SEZ6L: variants seen among roughly 807,000 people sequenced by gnomAD.
SEZ6L encodes seizure 6-like protein.
In SEZ6L, 37 loss-of-function variants were observed where a neutral mutation model predicts 106.2. The observed-to-expected ratio is 0.35, with a 90% CI of 0.27 to 0.46. The LOEUF is 0.46. Ranked by LOEUF, SEZ6L falls within the 20% of genes least tolerant of loss-of-function variation. The pLI, the probability that SEZ6L is intolerant of heterozygous loss-of-function variation, is 1.00. For missense variants in SEZ6L, 1,172 were observed against 1,332.8 expected (o/e 0.88, Z 1.88); for synonymous variants, 541 against 570.4 (o/e 0.95, Z 0.73).
At chr22:26,295,500 CT>C (rs1404006690) in intron 3 of SEZ6L, among the ~76,000 whole-genome samples, 1 of 152,138 alleles carries the variant, frequency 6.6e-6, no homozygotes, top group African/African-American at 2.4e-5. Context: ...GCAGTAGAAC[CT>C]GTAGTCTTTG....
At chr22:26,338,718 C>G (rs1358070796) in intron 9 of SEZ6L, among the ~76,000 whole-genome samples, 5 of 152,126 alleles carry the variant, frequency 3.3e-5, no homozygotes, top group Non-Finnish European at 7.4e-5. Context: ...TGCCACCACG[C>G]CCAGCTAATT....
rs76296018 is a variant in SEZ6L at position 26,343,853 on chromosome 22, G to A, written c.2212+3221G>A. On this transcript the variant is annotated intron_variant, in intron 10 of 16. Transcript: ENST00000248933. ...ATTTCACAAGAATGGCAAATAGACC[G>A]TTCTAGCTAATTGCGATACCACTCA... 3.1e-3 allele frequency among the ~76,000 whole-genome samples: 478 copies of A among 152,310 alleles called. 4 individuals are homozygous for A. The highest frequency in any genetic ancestry group is 0.01 in the African/African-American group (436 of 41,558).
chr22:26,312,362 TG>T (rs1392623724), intron 8 of SEZ6L, among the ~76,000 whole-genome samples: 2 of 152,240 alleles, frequency 1.3e-5, no homozygotes, highest in Non-Finnish European at 2.9e-5. Context: ...GCTAAGAGTG[TG>T]TGTGCATTAT....
intron 1 of SEZ6L, among the ~76,000 whole-genome samples, chr22:26,267,874 A>T (rs746951454): frequency 4.6e-5 from 7 of 152,210 alleles, no homozygotes; most frequent in Non-Finnish European, 2.9e-5. Context: ...GCTGAATTCA[A>T]GACCCTCCCA....
chr22:26,227,443 T>C lies in SEZ6L; in HGVS notation c.94+57680T>C, dbSNP rs182166791. ...TATTTTTAGAGTTGAGGTCTCATTC[T>C]GTTGCCCAGGCTGGAGGGCAGTGGT... On this transcript the variant is annotated intron_variant, in intron 1 of 16. Transcript: ENST00000248933. Among the ~76,000 whole-genome samples, 204 of 152,348 alleles carry C rather than the reference T, an allele frequency of 1.3e-3. 1 individual carries two copies. The highest frequency in any genetic ancestry group is 2.5e-3 in the Non-Finnish European group (167 of 68,040).
intron 9 of SEZ6L, among the ~76,000 whole-genome samples, chr22:26,330,845 A>G (rs1432488246): frequency 6.6e-6 from 1 of 152,256 alleles, no homozygotes; most frequent in Non-Finnish European, 1.5e-5. Flanking sequence ...TGCAAACCAT[A>G]TATTTATATA....
chr22:26,262,543 A>C (rs142973710), intron 1 of SEZ6L, among the ~76,000 whole-genome samples: 1 of 152,338 alleles, frequency 6.6e-6, no homozygotes, highest in Non-Finnish European at 1.5e-5. Flanking sequence ...TTATAAACGC[A>C]AATACCATTC....
intron 8 of SEZ6L, 22 bp downstream of exon 8, chr22:26,311,984 T>C: frequency 6.2e-7 from 1 of 1,604,804 alleles, no homozygotes; most frequent in Non-Finnish European, 8.5e-7. Context: ...CACAACGCTC[T>C]TCCCACGGCA....
At chr22:26,250,363 C>T (rs1472110689) in intron 1 of SEZ6L, among the ~76,000 whole-genome samples, 2 of 151,966 alleles carry the variant, frequency 1.3e-5, no homozygotes, top group Non-Finnish European at 2.9e-5. Flanking sequence ...TAGGGGTCTA[C>T]TTTCATTCTT....
At chr22:26,209,384 T>C (rs1186275932) in intron 1 of SEZ6L, among the ~76,000 whole-genome samples, 2 of 152,184 alleles carry the variant, frequency 1.3e-5, no homozygotes, top group East Asian at 3.8e-4. Flanking sequence ...AGAGTGTTGA[T>C]ATTTTTGTTT....
chr22:26,361,520 A>AATATAT, intron 12 of SEZ6L, among the ~76,000 whole-genome samples: 1 of 124,266 alleles, frequency 8.0e-6, no homozygotes, highest in Non-Finnish European at 1.6e-5. Flanking sequence ...AAAAAAAAAA[A>AATATAT]ATATATATAT....
At chr22:26,359,195 G>T (rs1456504927) in intron 12 of SEZ6L, among the ~76,000 whole-genome samples, 1 of 152,180 alleles carries the variant, frequency 6.6e-6, no homozygotes, top group Non-Finnish European at 1.5e-5. Flanking sequence ...GGTTCCTGCT[G>T]GGGAAAAATT....
chr22:26,269,610 A>T (rs1250752588), intron 1 of SEZ6L, among the ~76,000 whole-genome samples: 1 of 152,232 alleles, frequency 6.6e-6, no homozygotes, highest in Non-Finnish European at 1.5e-5. Flanking sequence ...CTAATTATGC[A>T]GCGTGACTGC....
rs111739227 is a variant in SEZ6L, at chr22:26,365,681, G to A, written c.2794+115G>A. 0.02 allele frequency: 18,787 copies of A among 919,554 alleles called. 1,430 individuals carry two copies. In the African/African-American group the frequency reaches 0.21, roughly 10 times the overall value. The allele number at this position is 919,554 out of a possible 1,614,324, so 57.0% of individuals were successfully genotyped here. ...TTGGACTAGGAGTTCGAGACCAGCC[G>A]AGGCAACATAGTGAGACCCCCATCT... On this transcript the variant is annotated intron_variant, in intron 13 of 16. Transcript: ENST00000248933.
intron 1 of SEZ6L, among the ~76,000 whole-genome samples, chr22:26,209,764 C>T (rs1220994651): frequency 4.2e-5 from 4 of 95,640 alleles, no homozygotes; most frequent in Non-Finnish European, 8.3e-5. Context: ...AGGAAGGAAG[C>T]GAGGGAGGGA....
At chr22:26,230,492 C>T (rs1284110755) in intron 1 of SEZ6L, among the ~76,000 whole-genome samples, 1 of 152,228 alleles carries the variant, frequency 6.6e-6, no homozygotes, top group Admixed American at 6.5e-5. Flanking sequence ...ATGAGCAAGA[C>T]TGACAAGGTT....
intron 1 of SEZ6L, among the ~76,000 whole-genome samples, chr22:26,198,462 G>A (rs997673893): frequency 5.3e-5 from 8 of 152,146 alleles, no homozygotes; most frequent in Non-Finnish European, 1.0e-4. Flanking sequence ...GAGACAATGG[G>A]GACAACAAGC....
Position 26,321,495 on chromosome 22 carries a change from C to G in SEZ6L, c.2015+7593C>G, listed in dbSNP as rs1277601847. 3.3e-5 allele frequency among the ~76,000 whole-genome samples: 5 copies of G among 152,216 alleles called. No individual in the cohort carries two copies. In the East Asian group the frequency reaches 9.6e-4, roughly 29 times the overall value. On this transcript the variant is annotated intron_variant, in intron 9 of 16. Transcript: ENST00000248933. ...GCTTTGCAGAAGGGAGCTGAGTCCTCTGGTCACCAGCCCGAGGCTCACGCC... is the reference window on the plus strand; with the variant it reads ...GCTTTGCAGAAGGGAGCTGAGTCCTGTGGTCACCAGCCCGAGGCTCACGCC...
At chr22:26,248,714 A>G (rs1402653346) in intron 1 of SEZ6L, among the ~76,000 whole-genome samples, 1 of 152,236 alleles carries the variant, frequency 6.6e-6, no homozygotes, top group Non-Finnish European at 1.5e-5. Flanking sequence ...AGAATGGTTA[A>G]GTTGTGAGTG....
Sources: allele counts gnomAD v4.1 joint callset (sites outside exome capture counted in the v4.1 genomes callset), GRCh38; gene constraint gnomAD v4.1.1; transcripts MANE v1.5; gene names NCBI Gene and HGNC (gene_info 2026-07-23, HGNC 2026-07-21).